RIC8B: variants seen among roughly 807,000 people sequenced by gnomAD.
RIC8B encodes the protein RIC8 guanine nucleotide exchange factor B.
Under a neutral mutation model 57.5 loss-of-function variants are expected in RIC8B, and 16 were observed. That is an observed-to-expected ratio of 0.28 (90% confidence interval 0.19 to 0.42). The LOEUF is 0.42. Among genes scored for constraint, RIC8B ranks in the 10% least tolerant of loss-of-function variants. The probability of loss-of-function intolerance (pLI) is 1.00; values close to 1 mark genes in which losing one functional copy is unlikely to be tolerated. For synonymous variants in RIC8B, 216 were observed against 250.8 expected (o/e 0.86, Z 1.31); for missense variants, 481 against 677.0 (o/e 0.71, Z 3.21).
chr12:106,790,421 T>C (rs1451077809), intron 2 of RIC8B, among the ~76,000 whole-genome samples: 1 of 152,244 alleles, frequency 6.6e-6, no homozygotes, highest in Non-Finnish European at 1.5e-5. Flanking sequence ...CTAATGTTTG[T>C]GCATATAATG....
At chr12:106,784,065 G>T (rs765136367) in intron 2 of RIC8B, 21 bp downstream of exon 2, 2 of 1,609,334 alleles carry the variant, frequency 1.2e-6, no homozygotes, top group Admixed American at 3.3e-5. Context: ...GTGTTGCTCT[G>T]TGAATGTTTA....
At chr12:106,794,405 T>C (rs2044385466) in intron 2 of RIC8B, among the ~76,000 whole-genome samples, 1 of 152,142 alleles carries the variant, frequency 6.6e-6, no homozygotes, top group African/African-American at 2.4e-5. Context: ...TTTGAAGAAA[T>C]AATGGTTTAA....
At chr12:106,826,277 G>C (rs931467618) in intron 4 of RIC8B, among the ~76,000 whole-genome samples, 3 of 152,146 alleles carry the variant, frequency 2.0e-5, no homozygotes, top group Non-Finnish European at 4.4e-5. Context: ...ATTTCTCTGA[G>C]ATTATACAGC....
At chr12:106,812,544 A>AT (rs964806497) in intron 2 of RIC8B, among the ~76,000 whole-genome samples, 1 of 152,054 alleles carries the variant, frequency 6.6e-6, no homozygotes, top group African/African-American at 2.4e-5. Flanking sequence ...AAGTTCACAT[A>AT]TATAATATTT....
chr12:106,825,272 G>A (rs1236977376), intron 3 of RIC8B, among the ~76,000 whole-genome samples: 1 of 152,146 alleles, frequency 6.6e-6, no homozygotes, highest in African/African-American at 2.4e-5. Context: ...GGGGAATTAG[G>A]ATATTAAGAT....
chr12:106,862,267 A>T (rs546672784), intron 8 of RIC8B, among the ~76,000 whole-genome samples: 1 of 152,222 alleles, frequency 6.6e-6, no homozygotes, highest in South Asian at 2.1e-4. Context: ...ACTGCTCATT[A>T]TAAGTATAAA....
chr12:106,846,997 G>A (rs1425286317), intron 6 of RIC8B, among the ~76,000 whole-genome samples: 2 of 152,174 alleles, frequency 1.3e-5, no homozygotes, highest in Non-Finnish European at 2.9e-5. Flanking sequence ...TGATAATAAT[G>A]TAAGTGGAAC....
At chr12:106,819,432 A>G (rs182334726) in intron 3 of RIC8B, among the ~76,000 whole-genome samples, 2 of 152,170 alleles carry the variant, frequency 1.3e-5, no homozygotes, top group Non-Finnish European at 2.9e-5. Flanking sequence ...ATACATACTT[A>G]TAAGTATAAA....
At chr12:106,805,842 C>T (rs1206217049) in intron 2 of RIC8B, among the ~76,000 whole-genome samples, 2 of 152,192 alleles carry the variant, frequency 1.3e-5, no homozygotes, top group Admixed American at 6.5e-5. Context: ...CTCTTATTGC[C>T]AGCCCATTTC....
At chr12:106,838,477 G>A (rs891828253) in intron 4 of RIC8B, among the ~76,000 whole-genome samples, 4 of 150,378 alleles carry the variant, frequency 2.7e-5, no homozygotes, top group African/African-American at 7.4e-5. Context: ...GGTTGAGGCT[G>A]TAATGAGCTG....
At position 106,784,054 on chromosome 12, in the gene RIC8B, G is replaced by C. The variant is rs768364000; in HGVS notation, c.132+10G>C. ...TGAAGATAAAAGAAAGGTAAGCCTTGGTGTTGCTCTGTGAATGTTTATGTG... is the reference window on the plus strand; with the variant it reads ...TGAAGATAAAAGAAAGGTAAGCCTTCGTGTTGCTCTGTGAATGTTTATGTG... On this transcript the variant is annotated intron_variant, in intron 2 of 9. Transcript: ENST00000392837. 1 of 1,612,850 alleles carries C rather than the reference G, an allele frequency of 6.2e-7. No homozygotes were observed. Among genetic ancestry groups the C allele is most frequent in the Non-Finnish European group, 8.5e-7 (1 of 1,179,048 alleles).
At chr12:106,863,396 T>C (rs1034748106) in intron 8 of RIC8B, among the ~76,000 whole-genome samples, 9 of 152,128 alleles carry the variant, frequency 5.9e-5, no homozygotes, top group African/African-American at 2.2e-4. Context: ...TTCTTGACCA[T>C]ATTTTTCTCA....
intron 8 of RIC8B, among the ~76,000 whole-genome samples, chr12:106,865,321 G>T (rs192252691): frequency 1.3e-5 from 2 of 152,152 alleles, no homozygotes; most frequent in African/African-American, 4.8e-5. Context: ...CATCCTAATG[G>T]GTGTGAAGTC....
At chr12:106,798,862 A>G (rs1290447265) in intron 2 of RIC8B, among the ~76,000 whole-genome samples, 1 of 152,136 alleles carries the variant, frequency 6.6e-6, no homozygotes, top group Non-Finnish European at 1.5e-5. Context: ...CTTTTAGCAC[A>G]TAGCTTAAAT....
At chr12:106,788,659 A>G (rs1026801359) in intron 2 of RIC8B, among the ~76,000 whole-genome samples, 3 of 152,174 alleles carry the variant, frequency 2.0e-5, no homozygotes, top group African/African-American at 7.2e-5. Context: ...CCCTGAAACC[A>G]TGGGCTGAGC....
intron 4 of RIC8B, among the ~76,000 whole-genome samples, chr12:106,830,936 A>G (rs2046328625): frequency 6.6e-6 from 1 of 152,160 alleles, no homozygotes; most frequent in Non-Finnish European, 1.5e-5. Flanking sequence ...TGCTAATAGA[A>G]TTCAAAGGGC....
At chr12:106,846,723 C>A (rs1158702253) in intron 6 of RIC8B, among the ~76,000 whole-genome samples, 125 of 120,368 alleles carry the variant, frequency 1.0e-3, no homozygotes, top group African/African-American at 1.1e-3. Context: ...ACAGAACAGC[C>A]AAAAAAAAAA....
chr12:106,862,680 A>G (rs1032211773), intron 8 of RIC8B, among the ~76,000 whole-genome samples: 16 of 152,134 alleles, frequency 1.1e-4, no homozygotes, highest in African/African-American at 3.6e-4. Context: ...TGGCAGAAGC[A>G]GAGAACTTAC....
intron 1 of RIC8B, among the ~76,000 whole-genome samples, chr12:106,779,634 A>G (rs185340420): frequency 6.7e-6 from 1 of 149,098 alleles, no homozygotes; most frequent in East Asian, 2.0e-4. Flanking sequence ...TGCCAAGAAG[A>G]AAAAAAAAAG....
Sources: allele counts gnomAD v4.1 joint callset (sites outside exome capture counted in the v4.1 genomes callset), GRCh38; gene constraint gnomAD v4.1.1; transcripts MANE v1.5; gene names NCBI Gene and HGNC (gene_info 2026-07-23, HGNC 2026-07-21).